RANBP17: variants seen among roughly 807,000 people sequenced by gnomAD.
RANBP17 encodes the protein RAN binding protein 17, also known as ran-binding protein 17.
RANBP17 carries 158 observed loss-of-function variants against 141.2 expected under a neutral mutation model. That is an observed-to-expected ratio of 1.12 (90% CI 0.98 to 1.28). The LOEUF (loss-of-function observed/expected upper bound fraction) is 1.28, where lower values mean the gene tolerates loss of function less well. Ranked by LOEUF, RANBP17 falls within the 50% of genes most tolerant of loss-of-function variation. The pLI, the probability that RANBP17 is intolerant of heterozygous loss-of-function variation, is 0.00. For missense variants in RANBP17, 1,438 were observed against 1,290.7 expected (o/e 1.11, Z -1.75); for synonymous variants, 430 against 450.0 (o/e 0.96, Z 0.56).
At chr5:170,914,105 C>A in intron 7 of RANBP17, 62 bp from the exon 8 acceptor site, 1 of 1,113,836 alleles carries the variant, frequency 9.0e-7, no homozygotes, top group South Asian at 1.3e-5. Context: ...GTGATATTGT[C>A]TTACTTTGTT....
At chr5:171,273,361 C>T (rs1344513478) in intron 25 of RANBP17, among the ~76,000 whole-genome samples, 2 of 152,220 alleles carry the variant, frequency 1.3e-5, no homozygotes, top group African/African-American at 4.8e-5. Flanking sequence ...CCCTCCTTCT[C>T]ACTTTCCTAC....
chr5:171,006,139 C>T (rs1018688461), intron 14 of RANBP17, among the ~76,000 whole-genome samples: 7 of 152,224 alleles, frequency 4.6e-5, no homozygotes, highest in Non-Finnish European at 8.8e-5. Context: ...CAGTTTTACA[C>T]TGTTGGTGGG....
chr5:170,919,551 T>A lies in RANBP17; in HGVS notation c.1212T>A (p.Tyr404Ter). Residue 404 changes from tyrosine to a stop codon, truncating the protein, a stop_gained, in exon 11 of 28, where the codon TAT (tyrosine) becomes TAA (stop). Transcript: ENST00000523189. LOFTEE classifies it high-confidence loss of function. ...KSTEPHLLDT[Y>*]APEITKAFIT... Reference sequence around the variant, plus strand: ...CTGAACCCCACCTATTAGACACTTATGCACCAGAAATCACGAAGGCCTTTA... The same window carrying A: ...CTGAACCCCACCTATTAGACACTTAAGCACCAGAAATCACGAAGGCCTTTA... 2 of 1,612,040 alleles carry A rather than the reference T, an allele frequency of 1.2e-6. No homozygotes were observed. The highest frequency in any genetic ancestry group is 8.5e-7 in the Non-Finnish European group (1 of 1,179,136).
chr5:170,997,945 TAATTTTAA>T (rs1179722501), intron 14 of RANBP17, among the ~76,000 whole-genome samples: 1 of 151,924 alleles, frequency 6.6e-6, no homozygotes, highest in Non-Finnish European at 1.5e-5. Context: ...AGAAACATAT[TAATTTTAA>T]AAATGCCCTT....
chr5:170,862,946 G>A (rs532808970), intron 1 of RANBP17, among the ~76,000 whole-genome samples: 1 of 152,346 alleles, frequency 6.6e-6, no homozygotes, highest in African/African-American at 2.4e-5. Context: ...AGCCAAATGT[G>A]TATGTTGAGA....
chr5:171,136,680 C>G (rs943920863), intron 14 of RANBP17, among the ~76,000 whole-genome samples: 3 of 152,066 alleles, frequency 2.0e-5, no homozygotes, highest in Non-Finnish European at 4.4e-5. Flanking sequence ...GAACTGGAGC[C>G]TCTTTAAATG....
rs763388308 is a variant in RANBP17, at chr5:170,918,866, A to T, written c.1101+7A>T. 1.3e-6 allele frequency: 2 copies of T among 1,538,086 alleles called. No homozygotes were observed. Among genetic ancestry groups the T allele is most frequent in the East Asian group, 2.4e-5 (1 of 41,904 alleles). ...TACCATTACTAGCCTACAGGTAGGT[A>T]AAAATATGTAATTATGTTAAACTGT... On this transcript the variant is annotated splice_region_variant and intron_variant, in intron 10 of 27. Coordinates refer to ENST00000523189, the MANE Select transcript of RANBP17 (RefSeq NM_022897.5).
chr5:171,130,466 C>T (rs1234690056), intron 14 of RANBP17, among the ~76,000 whole-genome samples: 5 of 68,340 alleles, frequency 7.3e-5, no homozygotes, highest in Non-Finnish European at 1.1e-4. Context: ...GACGGAGTTT[C>T]GCTCTTCTTG....
In RANBP17 at chr5:170,902,686, A is replaced by G. The variant is rs189415878; in HGVS notation, c.489+6571A>G. 5.9e-5 allele frequency among the ~76,000 whole-genome samples: 9 copies of G among 152,120 alleles called. No homozygotes were observed. The East Asian group carries it at 1.7e-3, about 29-fold the overall frequency. ...TTACCTTTGGTCTTTGATGTTGGTGATCTTCAGGTGGAGTTTTTGTGTGGA... is the reference window on the plus strand; with the variant it reads ...TTACCTTTGGTCTTTGATGTTGGTGGTCTTCAGGTGGAGTTTTTGTGTGGA... On this transcript the variant is annotated intron_variant, in intron 5 of 27. Transcript: ENST00000523189.
At chr5:171,104,394 C>A (rs1212144307) in intron 14 of RANBP17, among the ~76,000 whole-genome samples, 1 of 152,138 alleles carries the variant, frequency 6.6e-6, no homozygotes, top group Non-Finnish European at 1.5e-5. Context: ...CAGCACCCTG[C>A]AATTCATTCA....
chr5:171,269,965 T>C (rs931417697), intron 25 of RANBP17, among the ~76,000 whole-genome samples: 1 of 152,204 alleles, frequency 6.6e-6, no homozygotes, highest in African/African-American at 2.4e-5. Context: ...TATTTACTAG[T>C]TTGAACTGTT....
At chr5:171,145,334 C>T (rs1757964678) in intron 14 of RANBP17, among the ~76,000 whole-genome samples, 2 of 152,112 alleles carry the variant, frequency 1.3e-5, no homozygotes, top group Admixed American at 1.3e-4. Flanking sequence ...TGTCTCCAAA[C>T]CTTAGATCAC....
intron 14 of RANBP17, among the ~76,000 whole-genome samples, chr5:171,098,821 G>A (rs982270077): frequency 6.6e-6 from 1 of 152,152 alleles, no homozygotes; most frequent in East Asian, 1.9e-4. Context: ...TGTATAAGGT[G>A]TAAGGAAGGG....
At chr5:170,881,739 C>A in intron 2 of RANBP17, 67 bp from the exon 3 acceptor site, 3 of 1,115,924 alleles carry the variant, frequency 2.7e-6, no homozygotes, top group South Asian at 1.9e-5. Flanking sequence ...CTTAGAAGAA[C>A]ATCTCTATCA....
intron 19 of RANBP17, among the ~76,000 whole-genome samples, chr5:171,205,201 C>A (rs1241111243): frequency 1.3e-5 from 2 of 152,146 alleles, no homozygotes; most frequent in African/African-American, 4.8e-5. Context: ...AGACCCTGTA[C>A]ATATCTGTTT....
chr5:170,881,954 A>G (rs1249877470), intron 3 of RANBP17, 58 bp downstream of exon 3: 4 of 1,184,468 alleles, frequency 3.4e-6, no homozygotes, highest in Non-Finnish European at 4.8e-6. Flanking sequence ...TTTCTTTTAA[A>G]TATACTAAAC....
At chr5:171,060,708 C>T (rs1337791793) in intron 14 of RANBP17, among the ~76,000 whole-genome samples, 1 of 151,840 alleles carries the variant, frequency 6.6e-6, no homozygotes, top group African/African-American at 2.4e-5. Context: ...CCCTCTTTTT[C>T]TATTGATTGG....
chr5:170,974,144 C>T (rs1777195918), intron 14 of RANBP17, among the ~76,000 whole-genome samples: 1 of 152,138 alleles, frequency 6.6e-6, no homozygotes, highest in East Asian at 1.9e-4. Flanking sequence ...CCTAGAGTCT[C>T]ATGTAAATAT....
At chr5:171,011,371 C>A (rs1424298986) in intron 14 of RANBP17, among the ~76,000 whole-genome samples, 1 of 151,828 alleles carries the variant, frequency 6.6e-6, no homozygotes, top group Non-Finnish European at 1.5e-5. Context: ...CCTATATAGT[C>A]TCCCTTAGTA....
Sources: allele counts gnomAD v4.1 joint callset (sites outside exome capture counted in the v4.1 genomes callset), GRCh38; gene constraint gnomAD v4.1.1; transcripts MANE v1.5; gene names NCBI Gene and HGNC (gene_info 2026-07-23, HGNC 2026-07-21).